The following EML6 variants were observed in gnomAD, a reference collection of about 807,000 sequenced individuals.
EML6 encodes the protein echinoderm microtubule-associated protein-like 6.
EML6 carries 154 observed loss-of-function variants against 240.1 expected under a neutral mutation model. That is an observed-to-expected ratio of 0.64 (90% CI 0.56 to 0.73). EML6 has a LOEUF of 0.73. Ranked by LOEUF, EML6 falls within the 30% of genes least tolerant of loss-of-function variation. The pLI is 0.00. For missense variants in EML6, 2,964 were observed against 2,474.6 expected, an observed-to-expected ratio of 1.20 and a Z score of -4.20; for synonymous variants, 1,148 against 899.0, an observed-to-expected ratio of 1.28 and a Z score of -4.95.
chr2:54,812,435 T>C (rs983819778), intron 2 of EML6, among the ~76,000 whole-genome samples: 1 of 152,228 alleles, frequency 6.6e-6, no homozygotes, highest in African/African-American at 2.4e-5. Flanking sequence ...ATGAGCTAGT[T>C]TGCTATATAG....
chr2:54,888,957 G>C (rs1672307936), intron 17 of EML6, among the ~76,000 whole-genome samples: 1 of 152,164 alleles, frequency 6.6e-6, no homozygotes, highest in South Asian at 2.1e-4. Flanking sequence ...CAAAATAGCT[G>C]TATCATTTTG....
chr2:54,850,170 T>G lies in EML6; in HGVS notation c.1396T>G (p.Leu466Val), dbSNP rs773914427. 1 of 1,551,582 alleles carries G rather than the reference T, an allele frequency of 6.4e-7. No homozygotes were observed. The highest frequency in any genetic ancestry group is 8.7e-7 in the Non-Finnish European group (1 of 1,146,822). Residue 466 changes from leucine to valine, a missense_variant, in exon 10 of 42, where the codon TTA (leucine) becomes GTA (valine). Leu to Val is a conservative substitution (Grantham distance 32, BLOSUM62 1). Transcript: ENST00000356458. ...HIDWSLDSKY[L>V]QTNDGAGERL... ...TGACTGGTCCTTGGATAGTAAATAC[T>G]TACAAACTAATGACGGTGCAGGAGA...
At chr2:54,914,490 A>G (rs1039626703) in intron 25 of EML6, among the ~76,000 whole-genome samples, 9 of 152,254 alleles carry the variant, frequency 5.9e-5, no homozygotes, top group Non-Finnish European at 1.2e-4. Context: ...CAATTATTAT[A>G]TAAAAGATAA....
At chr2:54,810,288 C>A (rs920244900) in intron 2 of EML6, among the ~76,000 whole-genome samples, 12 of 152,260 alleles carry the variant, frequency 7.9e-5, no homozygotes, top group South Asian at 4.1e-4. Flanking sequence ...GAACAATAAC[C>A]AGCATAAAAA....
intron 4 of EML6, among the ~76,000 whole-genome samples, chr2:54,818,159 A>G (rs541902191): frequency 5.3e-5 from 8 of 152,338 alleles, no homozygotes; most frequent in African/African-American, 1.9e-4. Flanking sequence ...CCTTGGAAAA[A>G]GTAGAAAACT....
chr2:54,738,592 T>G (rs1489868538), intron 2 of EML6, among the ~76,000 whole-genome samples: 1 of 152,164 alleles, frequency 6.6e-6, no homozygotes, highest in African/African-American at 2.4e-5. Context: ...ACTGCAAAGG[T>G]GACCTCCATC....
At chr2:54,811,110 G>A (rs1290210421) in intron 2 of EML6, among the ~76,000 whole-genome samples, 1 of 151,810 alleles carries the variant, frequency 6.6e-6, no homozygotes, top group Non-Finnish European at 1.5e-5. Context: ...CTCTACCCAT[G>A]TCTTCCCTCC....
chr2:54,845,666 AG>A (rs1341911348), intron 8 of EML6, among the ~76,000 whole-genome samples: 7 of 152,216 alleles, frequency 4.6e-5, no homozygotes, highest in African/African-American at 1.7e-4. Flanking sequence ...AAATAGTACA[AG>A]GTTGAAACAG....
At chr2:54,795,914 A>G (rs1319348417) in intron 2 of EML6, among the ~76,000 whole-genome samples, 1 of 152,172 alleles carries the variant, frequency 6.6e-6, no homozygotes, top group Non-Finnish European at 1.5e-5. Context: ...TGGAATTTGC[A>G]TGATTTCTCT....
chr2:54,829,599 C>T (rs1668765737), intron 7 of EML6, 122 bp downstream of exon 7: 3 of 680,150 alleles, frequency 4.4e-6, no homozygotes, highest in Non-Finnish European at 4.6e-6. Context: ...ATATTGAATA[C>T]AAGCAAAAGT....
chr2:54,967,176 C>A, intron 39 of EML6, 73 bp downstream of exon 39: 3 of 973,668 alleles, frequency 3.1e-6, no homozygotes, highest in Non-Finnish European at 4.8e-6. Flanking sequence ...GCTCAGCCTC[C>A]AAGTCTGTGC....
Position 54,889,433 on chromosome 2 carries a change from G to T in EML6, c.2439-1621G>T, listed in dbSNP as rs113938736. On this transcript the variant is annotated intron_variant, in intron 17 of 41. Coordinates refer to ENST00000356458, the MANE Select transcript of EML6 (RefSeq NM_001039753.4). ...TGAGTTTTCCTTTCCAAGAACATGG[G>T]ATATAGTTCTGTTTTTTAAAGTCTG... Among the ~76,000 whole-genome samples, 146 of 151,412 alleles carry T rather than the reference G, an allele frequency of 9.6e-4. 1 individual carries two copies. The highest frequency in any genetic ancestry group is 3.4e-3 in the African/African-American group (140 of 41,254).
intron 16 of EML6, among the ~76,000 whole-genome samples, chr2:54,876,495 C>T (rs756785091): frequency 1.3e-4 from 20 of 152,152 alleles, no homozygotes; most frequent in Non-Finnish European, 2.5e-4. Flanking sequence ...AATAAAAGCT[C>T]ACCTCTTACC....
intron 2 of EML6, among the ~76,000 whole-genome samples, chr2:54,785,872 T>C (rs1029790422): frequency 1.3e-5 from 2 of 151,920 alleles, no homozygotes; most frequent in Non-Finnish European, 2.9e-5. Context: ...CTGGGAAAAT[T>C]TGAGTATAAG....
rs1020490250 is a variant in EML6, at chr2:54,774,982, C to T, written c.198-38250C>T. Among the ~76,000 whole-genome samples, 1 of 152,126 alleles carries T rather than the reference C, an allele frequency of 6.6e-6. No individual in the cohort carries two copies. Among genetic ancestry groups the T allele is most frequent in the Non-Finnish European group, 1.5e-5 (1 of 68,026 alleles). ...AACAAATGTGTCACATAGAAATTTC[C>T]TGAAAATATGATCAAAAAATGAAAA... On this transcript the variant is annotated intron_variant, in intron 2 of 41. Transcript: ENST00000356458. This position sits in a 1 kb window ranked among gnomAD's most constrained non-coding sequence, Gnocchi z 4.1.
rs575105253 is a variant in EML6 at position 54,821,311 on chromosome 2, G to A, written c.525+849G>A. On this transcript the variant is annotated intron_variant, in intron 5 of 41. Coordinates refer to ENST00000356458, the MANE Select transcript of EML6 (RefSeq NM_001039753.4). ...CTTACTTGGTTAGAAGGGGACAGAG[G>A]ATAAAATACTCAAATAAGTATAAGA... Among the ~76,000 whole-genome samples the A allele has an allele frequency of 1.6e-3, 251 of 152,124 alleles. 1 individual carries two copies. Among genetic ancestry groups the A allele is most frequent in the African/African-American group, 5.7e-3 (237 of 41,524 alleles).
In EML6 at chr2:54,847,712, G is replaced by C; in HGVS notation, c.1187+89G>C. On this transcript the variant is annotated intron_variant, in intron 9 of 41. Transcript: ENST00000356458. ...GGTCATAATACATGCTAGGACCTTA[G>C]GAAAAATCCATTTAGCCATTCAAAT... The C allele has an allele frequency of 2.1e-6, 3 of 1,406,756 alleles. No homozygotes were observed. In the South Asian group the frequency reaches 4.1e-5, roughly 19 times the overall value. The allele number at this position is 1,406,756 out of a possible 1,614,324, so 87.1% of individuals were successfully genotyped here.
At chr2:54,958,965 T>C (rs978221914) in intron 33 of EML6, 139 bp from the exon 34 acceptor site, 9 of 758,646 alleles carry the variant, frequency 1.2e-5, no homozygotes, top group Admixed American at 3.2e-5. Flanking sequence ...CAAATTCTGC[T>C]GCTTTCCTTA....
chr2:54,891,050 A>T lies in EML6; in HGVS notation c.2439-4A>T. The T allele has an allele frequency of 7.2e-7, 1 of 1,391,086 alleles. No individual in the cohort carries two copies. Among genetic ancestry groups the T allele is most frequent in the Non-Finnish European group, 9.8e-7 (1 of 1,017,086 alleles). 86.2% of individuals were successfully genotyped at this position (1,391,086 alleles called of 1,614,324 possible). On this transcript the variant is annotated splice_region_variant and splice_polypyrimidine_tract_variant and intron_variant, in intron 17 of 41. Coordinates refer to ENST00000356458, the MANE Select transcript of EML6 (RefSeq NM_001039753.4). ...GAATCTTATTTCCTATTTGTCTCTT[A>T]CAGAGGACATAAAGATAAGATATTT...
Sources: allele counts gnomAD v4.1 joint callset (sites outside exome capture counted in the v4.1 genomes callset), GRCh38; gene constraint gnomAD v4.1.1; non-coding constraint Gnocchi (gnomAD v3.1); transcripts MANE v1.5; gene names NCBI Gene and HGNC (gene_info 2026-07-23, HGNC 2026-07-21).